CSNK1G1: variants seen among roughly 807,000 people sequenced by gnomAD.
The protein encoded by CSNK1G1 is casein kinase 1 gamma 1.
A neutral mutation model predicts 59.6 loss-of-function variants in CSNK1G1; 22 were observed. That is an observed-to-expected ratio of 0.37 (90% CI 0.26 to 0.53). The LOEUF is 0.53. Ranked by LOEUF, CSNK1G1 falls within the 20% of genes least tolerant of loss-of-function variation. The pLI is 0.89. For synonymous variants in CSNK1G1, 179 were observed against 177.1 expected, an observed-to-expected ratio of 1.01 and a Z score of -0.08; for missense variants, 384 against 519.5, an observed-to-expected ratio of 0.74 and a Z score of 2.54.
At chr15:64,270,760 A>AAT (rs1174724478) in intron 2 of CSNK1G1, among the ~76,000 whole-genome samples, 1 of 107,628 alleles carries the variant, frequency 9.3e-6, no homozygotes, top group African/African-American at 6.0e-5. Flanking sequence ...ACTCCGTCTC[A>AAT]AAAAAAAAAA....
intron 4 of CSNK1G1, among the ~76,000 whole-genome samples, chr15:64,239,670 A>G (rs1275233576): frequency 6.6e-6 from 1 of 152,204 alleles, no homozygotes; most frequent in Non-Finnish European, 1.5e-5. Context: ...TAAGTCACCC[A>G]TGCCTGACCT....
At chr15:64,273,732 A>T (rs1893454748) in intron 2 of CSNK1G1, among the ~76,000 whole-genome samples, 1 of 133,576 alleles carries the variant, frequency 7.5e-6, no homozygotes, top group African/African-American at 3.2e-5. Flanking sequence ...TGATGAGCTA[A>T]AAAAAAAAAA....
At chr15:64,285,270 G>A (rs914446454) in intron 2 of CSNK1G1, among the ~76,000 whole-genome samples, 2 of 151,948 alleles carry the variant, frequency 1.3e-5, no homozygotes, top group East Asian at 1.9e-4. Flanking sequence ...TAAAAAAGCC[G>A]AATCCCAAAG....
At chr15:64,302,733 T>G (rs1222053396) in intron 1 of CSNK1G1, among the ~76,000 whole-genome samples, 3 of 152,226 alleles carry the variant, frequency 2.0e-5, no homozygotes, top group Non-Finnish European at 4.4e-5. Flanking sequence ...CCTTCCATTA[T>G]AAGTTAATAT....
At chr15:64,320,219 C>T (rs1896486112) in intron 1 of CSNK1G1, among the ~76,000 whole-genome samples, 1 of 151,578 alleles carries the variant, frequency 6.6e-6, no homozygotes, top group Non-Finnish European at 1.5e-5. Context: ...GATAATTCCA[C>T]CGAAACAGGC....
chr15:64,344,239 A>G (rs554041622), intron 1 of CSNK1G1, among the ~76,000 whole-genome samples: 1 of 152,320 alleles, frequency 6.6e-6, no homozygotes, highest in Admixed American at 6.5e-5. Flanking sequence ...GAATAGTTCT[A>G]TGATTTGTTT....
intron 2 of CSNK1G1, among the ~76,000 whole-genome samples, chr15:64,274,209 A>C (rs1195233379): frequency 6.6e-6 from 1 of 152,230 alleles, no homozygotes; most frequent in Non-Finnish European, 1.5e-5. Flanking sequence ...CATTGCCTCA[A>C]ATGAATTTCT....
chr15:64,226,185 G>C lies in CSNK1G1; in HGVS notation c.293-9472C>G, dbSNP rs1459223588. 2.6e-5 allele frequency among the ~76,000 whole-genome samples: 4 copies of C among 152,202 alleles called. No homozygotes were observed. In the East Asian group the frequency reaches 7.7e-4, roughly 29 times the overall value. ...CTGGGCACGTAAGCCACTGTGCCTG[G>C]CCCAAAATAAAAACAGGTAAAAGTG... On this transcript the variant is annotated intron_variant, in intron 4 of 11. Transcript: ENST00000303052.
Position 64,165,946 on chromosome 15 carries a change from G to C in CSNK1G1, c.*5985C>G, listed in dbSNP as rs935297418. 2 of 615,550 alleles carry C rather than the reference G, an allele frequency of 3.2e-6. No homozygotes were observed. The highest frequency in any genetic ancestry group is 5.8e-6 in the Non-Finnish European group (2 of 346,950). 38.1% of individuals were successfully genotyped at this position (615,550 alleles called of 1,614,324 possible). ...CCTCTGCAGAGAAGATTTTCCTAATGGTGCACAAATATCTCTCCTGGAGGA... is the reference window on the plus strand; with the variant it reads ...CCTCTGCAGAGAAGATTTTCCTAATCGTGCACAAATATCTCTCCTGGAGGA... On this transcript the variant is annotated 3_prime_UTR_variant, in exon 12 of 12. Transcript: ENST00000303052.
chr15:64,328,982 AAT>A (rs1319134203), intron 1 of CSNK1G1, among the ~76,000 whole-genome samples: 2 of 146,604 alleles, frequency 1.4e-5, no homozygotes, highest in Admixed American at 6.9e-5. Context: ...AACTATCCTA[AAT>A]ATATATGCAC....
At chr15:64,217,957 T>C (rs996244391) in intron 4 of CSNK1G1, among the ~76,000 whole-genome samples, 6 of 152,170 alleles carry the variant, frequency 3.9e-5, no homozygotes, top group African/African-American at 1.2e-4. Context: ...TGCCTCTAAG[T>C]GTTTTAACTT....
At position 64,332,117 on chromosome 15, in the gene CSNK1G1, G is replaced by A. The variant is rs1345391045; in HGVS notation, c.-225+23871C>T. Among the ~76,000 whole-genome samples, 28 of 130,394 alleles carry A rather than the reference G, an allele frequency of 2.1e-4. No homozygotes were observed. In the East Asian group the frequency reaches 6.0e-3, roughly 28 times the overall value. The allele number at this position is 130,394 out of a possible 152,430, so 85.5% of individuals were successfully genotyped here. A position where few individuals can be genotyped will look rare whatever the true frequency, so the allele number is the denominator to read the frequency against. On this transcript the variant is annotated intron_variant, in intron 1 of 11. Transcript: ENST00000303052. Reference sequence around the variant, plus strand: ...CAACCATTGTGGAAGTCAGTGTGGCGATTCCTCAGGGATCTAGAACTAGAA... The same window carrying A: ...CAACCATTGTGGAAGTCAGTGTGGCAATTCCTCAGGGATCTAGAACTAGAA...
intron 10 of CSNK1G1, among the ~76,000 whole-genome samples, chr15:64,190,537 C>T (rs1374287693): frequency 6.6e-6 from 1 of 152,198 alleles, no homozygotes; most frequent in Non-Finnish European, 1.5e-5. Context: ...GCCTCAGCCT[C>T]CCAAGTAGCT....
Position 64,176,714 on chromosome 15 carries a change from T to C in CSNK1G1, c.1214+3634A>G, listed in dbSNP as rs189153726. Among the ~76,000 whole-genome samples the C allele has an allele frequency of 6.8e-4, 104 of 152,286 alleles. No individual in the cohort carries two copies. The highest frequency in any genetic ancestry group is 2.4e-3 in the African/African-American group (99 of 41,550). On this transcript the variant is annotated intron_variant, in intron 11 of 11. Coordinates refer to ENST00000303052, the MANE Select transcript of CSNK1G1 (RefSeq NM_022048.5). This position sits in a 1 kb window ranked among gnomAD's most constrained non-coding sequence, Gnocchi z 5.2. ...CAATATTAAGCTAGCCTCTCAAATATTCTGAGGGAAAAAGAAAGTCCCTAG... is the reference window on the plus strand; with the variant it reads ...CAATATTAAGCTAGCCTCTCAAATACTCTGAGGGAAAAAGAAAGTCCCTAG...
In CSNK1G1 at chr15:64,176,315, A is replaced by G; in HGVS notation, c.1214+4033T>C. ...AGAGTATATAAAGAGAAAAACACAG[A>G]AAGGAAGAGAGAGAAAGAGAGAGAT... On this transcript the variant is annotated intron_variant, in intron 11 of 11. Transcript: ENST00000303052. This position sits in a 1 kb window ranked among gnomAD's most constrained non-coding sequence, Gnocchi z 5.2. The G allele has an allele frequency of 2.5e-6, 1 of 398,822 alleles. No individual in the cohort carries two copies. The highest frequency in any genetic ancestry group is 1.3e-4 in the South Asian group (1 of 7,862). The allele number at this position is 398,822 out of a possible 1,614,324, so 24.7% of individuals were successfully genotyped here.
intron 4 of CSNK1G1, among the ~76,000 whole-genome samples, chr15:64,238,856 G>T (rs2082656228): frequency 6.6e-6 from 1 of 151,950 alleles, no homozygotes; most frequent in Admixed American, 6.6e-5. Context: ...CTGAGCCTAG[G>T]ATCCTAGTCT....
intron 1 of CSNK1G1, among the ~76,000 whole-genome samples, chr15:64,301,368 C>CAAAAAAAA (rs5813288): frequency 7.0e-6 from 1 of 142,310 alleles, no homozygotes; most frequent in Non-Finnish European, 1.5e-5. Flanking sequence ...GAAAATAAAG[C>CAAAAAAAA]AAAAAAAAAA....
rs1232939003 is a variant in CSNK1G1 at position 64,326,843 on chromosome 15, G to A, written c.-224-26120C>T. On this transcript the variant is annotated intron_variant, in intron 1 of 11. Transcript: ENST00000303052. ...CACCGTGCGCGAGCCGAAGCAGGGC[G>A]AGGCATTGCCTCACCTGGGAAGCGC... Among the ~76,000 whole-genome samples the A allele has an allele frequency of 3.3e-5, 5 of 151,282 alleles. No individual in the cohort carries two copies. The South Asian group carries it at 6.3e-4, about 19-fold the overall frequency.
chr15:64,275,287 T>C (rs1202967988), intron 2 of CSNK1G1, among the ~76,000 whole-genome samples: 1 of 152,106 alleles, frequency 6.6e-6, no homozygotes, highest in Non-Finnish European at 1.5e-5. Context: ...GAGCCTCCCG[T>C]CTGGGCCTCC....
Sources: allele counts gnomAD v4.1 joint callset (sites outside exome capture counted in the v4.1 genomes callset), GRCh38; gene constraint gnomAD v4.1.1; non-coding constraint Gnocchi (gnomAD v3.1); transcripts MANE v1.5; gene names NCBI Gene and HGNC (gene_info 2026-07-23, HGNC 2026-07-21).